DGKG: variants seen among roughly 807,000 people sequenced by gnomAD.
DGKG encodes diacylglycerol kinase gamma, also known as DAG kinase gamma.
In DGKG, 78 loss-of-function variants were observed where a neutral mutation model predicts 105.3. That is an observed-to-expected ratio of 0.74 (90% confidence interval 0.62 to 0.89). DGKG has a LOEUF of 0.89. Among genes scored for constraint, DGKG ranks in the 40% least tolerant of loss-of-function variants. DGKG has a pLI of 0.00. For synonymous variants in DGKG, 346 were observed against 367.1 expected, an observed-to-expected ratio of 0.94 and a Z score of 0.66; for missense variants, 958 against 1,020.1, an observed-to-expected ratio of 0.94 and a Z score of 0.83.
At chr3:186,229,164 C>G (rs767208231) in intron 20 of DGKG, among the ~76,000 whole-genome samples, 31 of 151,852 alleles carry the variant, frequency 2.0e-4, no homozygotes, top group Non-Finnish European at 3.8e-4. Flanking sequence ...CCTCTAGAAG[C>G]AAGGAGAGAG....
intron 20 of DGKG, among the ~76,000 whole-genome samples, chr3:186,216,414 G>C (rs1719296078): frequency 6.6e-6 from 1 of 152,000 alleles, no homozygotes; most frequent in South Asian, 2.1e-4. Flanking sequence ...TTTAACTCAG[G>C]CACTTTTTGG....
chr3:186,193,312 C>T lies in DGKG; in HGVS notation c.1918-4933G>A, dbSNP rs138377737. 2.7e-3 allele frequency among the ~76,000 whole-genome samples: 413 copies of T among 152,332 alleles called. 1 individual carries two copies. The highest frequency in any genetic ancestry group is 8.8e-3 in the African/African-American group (365 of 41,580). ...GATTCCAGGTTGTTTCCTTACCCCT[C>T]TGAGGTTTAATTTGTCATCTGTAAA... On this transcript the variant is annotated intron_variant, in intron 21 of 24. Coordinates refer to ENST00000265022, the MANE Select transcript of DGKG (RefSeq NM_001346.3).
rs761755544 is a variant in DGKG at position 186,284,645 on chromosome 3, AGAGT to A, written c.594+11_594+14del. 2 of 1,610,312 alleles carry A rather than the reference AGAGT, an allele frequency of 1.2e-6. No homozygotes were observed. Among genetic ancestry groups the A allele is most frequent in the Non-Finnish European group, 1.7e-6 (2 of 1,176,684 alleles). The stretch of plus-strand genomic sequence containing the variant: ...TTTCTCAGGTCCATGAGGGATATTT[AGAGT>A]GAGAACTTACCGCTTGGTCCAGGAG... On this transcript the variant is annotated intron_variant, in intron 7 of 24. Transcript: ENST00000265022. The surrounding 1 kb of genome is among the most constrained non-coding windows in gnomAD (Gnocchi z 4.0).
chr3:186,189,774 G>A (rs1347654199), intron 21 of DGKG, among the ~76,000 whole-genome samples: 1 of 152,094 alleles, frequency 6.6e-6, no homozygotes, highest in Non-Finnish European at 1.5e-5. Context: ...AGCAACTCTG[G>A]TAACTGCGAA....
chr3:186,211,706 AG>A (rs1487729665), intron 21 of DGKG, 88 bp downstream of exon 21: 1 of 960,550 alleles, frequency 1.0e-6, no homozygotes, highest in African/African-American at 1.6e-5. Flanking sequence ...TCACCTCTTA[AG>A]GTCCCAAGAG....
intron 1 of DGKG, among the ~76,000 whole-genome samples, chr3:186,340,038 C>T (rs530248700): frequency 6.6e-6 from 1 of 152,276 alleles, no homozygotes; most frequent in East Asian, 1.9e-4. Flanking sequence ...ATGTTAATTC[C>T]CTTCCCTTCC....
intron 12 of DGKG, 123 bp from the exon 13 acceptor site, chr3:186,267,900 G>GTCAAA: frequency 1.2e-6 from 1 of 819,104 alleles, no homozygotes; most frequent in Non-Finnish European, 2.0e-6. Flanking sequence ...ATGCACTGCT[G>GTCAAA]GCTTTGACAG....
chr3:186,283,142 C>T (rs936967040), intron 7 of DGKG, among the ~76,000 whole-genome samples: 3 of 152,054 alleles, frequency 2.0e-5, no homozygotes, highest in Non-Finnish European at 2.9e-5. Context: ...CTCCTGACCT[C>T]GTGATCTGCC....
intron 11 of DGKG, among the ~76,000 whole-genome samples, chr3:186,270,573 A>G (rs939106959): frequency 2.0e-5 from 3 of 152,264 alleles, no homozygotes; most frequent in East Asian, 1.9e-4. Flanking sequence ...CTGAGGGTGT[A>G]AAGAACTCAG....
chr3:186,259,324 G>A (rs913456429), intron 16 of DGKG, among the ~76,000 whole-genome samples: 3 of 152,182 alleles, frequency 2.0e-5, no homozygotes, highest in Non-Finnish European at 4.4e-5. Flanking sequence ...AGGTGTCTGT[G>A]GGGGGCTGCT....
At chr3:186,265,399 A>T in intron 13 of DGKG, 93 bp from the exon 14 acceptor site, 1 of 1,167,214 alleles carries the variant, frequency 8.6e-7, no homozygotes, top group South Asian at 1.3e-5. Context: ...TGATATAAAG[A>T]AAGAGATCAG....
In DGKG at chr3:186,147,676, A is replaced by G; in HGVS notation, c.*2414T>C. On this transcript the variant is annotated 3_prime_UTR_variant, in exon 25 of 25. Transcript: ENST00000265022. ...ATTTTCTGCACTGCCCCTTCATGAG[A>G]CCTGTGAGTCTCTGAGAATCAATTT... 1.0e-6 allele frequency: 1 copy of G among 985,332 alleles called. No individual in the cohort carries two copies. 61.0% of individuals were successfully genotyped at this position (985,332 alleles called of 1,614,324 possible).
intron 21 of DGKG, among the ~76,000 whole-genome samples, chr3:186,202,032 G>A (rs1560092391): frequency 1.3e-5 from 2 of 152,208 alleles, no homozygotes; most frequent in South Asian, 4.1e-4. Context: ...ATCACAGATT[G>A]AGGCTTGAAA....
At chr3:186,263,927 G>T (rs1481795443) in intron 14 of DGKG, among the ~76,000 whole-genome samples, 1 of 152,220 alleles carries the variant, frequency 6.6e-6, no homozygotes, top group East Asian at 1.9e-4. Flanking sequence ...TGTTTGAAAA[G>T]GATAGTAGCA....
chr3:186,225,756 A>T (rs1222977616), intron 20 of DGKG, among the ~76,000 whole-genome samples: 1 of 151,952 alleles, frequency 6.6e-6, no homozygotes, highest in Non-Finnish European at 1.5e-5. Flanking sequence ...ATGCGTTTGG[A>T]TTTGTGACCC....
intron 3 of DGKG, among the ~76,000 whole-genome samples, chr3:186,299,821 C>CTT (rs1217555597): frequency 1.0e-5 from 1 of 99,408 alleles, no homozygotes; most frequent in African/African-American, 3.8e-5. Flanking sequence ...TTCTTTCTTT[C>CTT]TTTCTTTCTT....
In DGKG at chr3:186,320,677, T is replaced by C. The variant is rs893104835; in HGVS notation, c.-218A>G. The C allele has an allele frequency of 5.2e-6, 3 of 574,134 alleles. No homozygotes were observed. The highest frequency in any genetic ancestry group is 8.2e-6 in the Non-Finnish European group (3 of 364,712). 35.6% of individuals were successfully genotyped at this position (574,134 alleles called of 1,614,324 possible). On this transcript the variant is annotated 5_prime_UTR_variant, in exon 2 of 25. Coordinates refer to ENST00000265022, the MANE Select transcript of DGKG (RefSeq NM_001346.3). The stretch of plus-strand genomic sequence containing the variant: ...CTTAGGCAACATCCTCCTGTCTGTA[T>C]TCAAGGTAAATTCAGAAGTCCTGGC...
chr3:186,260,016 C>G (rs977401891), intron 16 of DGKG, among the ~76,000 whole-genome samples: 1 of 152,212 alleles, frequency 6.6e-6, no homozygotes, highest in Non-Finnish European at 1.5e-5. Flanking sequence ...CAAGGCAGAA[C>G]TCTGAGTCAC....
intron 10 of DGKG, among the ~76,000 whole-genome samples, chr3:186,275,199 A>T (rs956796752): frequency 4.6e-5 from 7 of 152,324 alleles, no homozygotes; most frequent in Middle Eastern, 3.4e-3. Context: ...ATTAATTTTT[A>T]AAAAATAAGT....
Sources: gnomAD v4.1 joint callset for allele counts (sites outside exome capture counted in the v4.1 genomes callset) on GRCh38, gnomAD v4.1.1 for gene constraint, Gnocchi (gnomAD v3.1) non-coding constraint, MANE v1.5 for transcripts, NCBI Gene and HGNC (gene_info 2026-07-23, HGNC 2026-07-21) for gene names.